Variants in CACNA1C observed in about 807,000 individuals in gnomAD.
CACNA1C encodes the protein voltage-dependent L-type calcium channel subunit alpha-1C.
CACNA1C carries 30 observed loss-of-function variants against 229.0 expected under a neutral mutation model. The ratio of observed to expected loss-of-function variants is 0.13; its 90% CI spans 0.10 to 0.18. The LOEUF is 0.18. Ranked by LOEUF, CACNA1C falls within the 10% of genes least tolerant of loss-of-function variation. The pLI is 1.00. For missense variants in CACNA1C, 1,658 were observed against 2,845.0 expected (o/e 0.58, Z 9.49); for synonymous variants, 1,114 against 1,132.5 (o/e 0.98, Z 0.33).
intron 3 of CACNA1C, among the ~76,000 whole-genome samples, chr12:2,401,397 C>T (rs538141436): frequency 6.6e-6 from 1 of 152,378 alleles, no homozygotes; most frequent in East Asian, 1.9e-4. Context: ...ATTTCACACC[C>T]TTGTGACAAA....
chr12:2,163,972 G>C (rs976712294), intron 3 of CACNA1C, among the ~76,000 whole-genome samples: 2 of 152,050 alleles, frequency 1.3e-5, no homozygotes, highest in East Asian at 3.9e-4. Context: ...CTTTCTTTAG[G>C]TTTGGCTGCG....
chr12:2,171,630 T>C (rs2096484989), intron 3 of CACNA1C, among the ~76,000 whole-genome samples: 1 of 152,094 alleles, frequency 6.6e-6, no homozygotes, highest in Non-Finnish European at 1.5e-5. Flanking sequence ...ATTTTCTGAG[T>C]GCCCATCAGG....
rs1455121388 is a variant in CACNA1C at position 2,313,670 on chromosome 12, A to G, written c.478-135306A>G. On this transcript the variant is annotated intron_variant, in intron 3 of 46. Transcript: ENST00000399655. ...AAAGCAGTGGAGCCCTTTCCCTCTA[A>G]TGTGGACACATGCTGGTTCCCTCCC... 3.9e-5 allele frequency among the ~76,000 whole-genome samples: 6 copies of G among 152,186 alleles called. No homozygotes were observed. In the East Asian group the frequency reaches 1.2e-3, roughly 29 times the overall value.
At chr12:2,509,507 C>G (rs1286535026) in intron 8 of CACNA1C, among the ~76,000 whole-genome samples, 1 of 152,136 alleles carries the variant, frequency 6.6e-6, no homozygotes, top group African/African-American at 2.4e-5. Context: ...AAGTGTGTTT[C>G]TATTTAAAGA....
chr12:2,647,348 G>T lies in CACNA1C; in HGVS notation c.3913-1127G>T, dbSNP rs970459948. ...TCCCAGATCCAGGCTCCAGGAACTC[G>T]GGGAGAGGGCTGGCCCTGGGATACT... On this transcript the variant is annotated intron_variant, in intron 30 of 46. Coordinates refer to ENST00000399655, the MANE Select transcript of CACNA1C (RefSeq NM_000719.7). This position sits in a 1 kb window ranked among gnomAD's most constrained non-coding sequence, Gnocchi z 4.2. 6.6e-6 allele frequency among the ~76,000 whole-genome samples: 1 copy of T among 152,214 alleles called. No homozygotes were observed. Among genetic ancestry groups the T allele is most frequent in the Non-Finnish European group, 1.5e-5 (1 of 68,038 alleles).
At chr12:2,061,545 G>T (rs971180976) in intron 1 of CACNA1C, among the ~76,000 whole-genome samples, 2 of 44,044 alleles carry the variant, frequency 4.5e-5, no homozygotes, top group Non-Finnish European at 7.3e-5. Context: ...CATGTGCACT[G>T]CTGGCACTGC....
chr12:2,499,926 C>T (rs895787914), intron 7 of CACNA1C, among the ~76,000 whole-genome samples: 1 of 152,140 alleles, frequency 6.6e-6, no homozygotes, highest in African/African-American at 2.4e-5. Context: ...GCTTTGTGTG[C>T]TCTCTACTCA....
At chr12:2,184,570 T>A (rs1311070286) in intron 3 of CACNA1C, among the ~76,000 whole-genome samples, 2 of 152,246 alleles carry the variant, frequency 1.3e-5, no homozygotes, top group African/African-American at 4.8e-5. Context: ...ATCTAGAATA[T>A]GAACTTGTCG....
chr12:2,214,306 C>A (rs2059420478), intron 3 of CACNA1C, among the ~76,000 whole-genome samples: 1 of 152,160 alleles, frequency 6.6e-6, no homozygotes, highest in African/African-American at 2.4e-5. Flanking sequence ...GGGTAACTTG[C>A]TCGACCCCTC....
Position 2,585,678 on chromosome 12 carries a change from A to C in CACNA1C, c.2461-157A>C, listed in dbSNP as rs1029151898. 6.6e-6 allele frequency among the ~76,000 whole-genome samples: 1 copy of C among 152,234 alleles called. No individual in the cohort carries two copies. Among genetic ancestry groups the C allele is most frequent in the Non-Finnish European group, 1.5e-5 (1 of 68,040 alleles). On this transcript the variant is annotated intron_variant, in intron 17 of 46. Coordinates refer to ENST00000399655, the MANE Select transcript of CACNA1C (RefSeq NM_000719.7). The surrounding 1 kb of genome is among the most constrained non-coding windows in gnomAD (Gnocchi z 4.1). ...AGATAAGGCAGATTGGCTGGATCCC[A>C]GCCATCTGCTGATGTCTTGAAGGAG...
chr12:2,083,714 T>C (rs1212031843), intron 1 of CACNA1C, among the ~76,000 whole-genome samples: 4 of 152,216 alleles, frequency 2.6e-5, no homozygotes, highest in South Asian at 4.1e-4. Context: ...TTGTGGGAAG[T>C]TAATGGCCCT....
intron 3 of CACNA1C, among the ~76,000 whole-genome samples, chr12:2,374,630 T>A (rs1453947184): frequency 5.9e-5 from 9 of 152,220 alleles, no homozygotes; most frequent in Admixed American, 5.9e-4. Context: ...TAGCAGCTCC[T>A]AACTCCACAG....
intron 20 of CACNA1C, 167 bp downstream of exon 20, chr12:2,596,170 C>A: frequency 1.7e-6 from 1 of 574,706 alleles, no homozygotes; most frequent in Non-Finnish European, 2.8e-6. Flanking sequence ...GAAAACCACC[C>A]TAGGACCACA....
rs1397075192 is a variant in CACNA1C, at chr12:2,299,503, A to AC, written c.478-149472dup. Among the ~76,000 whole-genome samples, 11 of 152,158 alleles carry AC rather than the reference A, an allele frequency of 7.2e-5. No homozygotes were observed. In the East Asian group the frequency reaches 1.5e-3, roughly 21 times the overall value. ...GGCATGGCTAGTTCAGATGCTATGG[A>AC]CAGAGGGGTTCCTGTGGGACCAGTG... On this transcript the variant is annotated intron_variant, in intron 3 of 46. Coordinates refer to ENST00000399655, the MANE Select transcript of CACNA1C (RefSeq NM_000719.7).
At chr12:2,631,879 C>G (rs2090561078) in intron 29 of CACNA1C, among the ~76,000 whole-genome samples, 1 of 152,202 alleles carries the variant, frequency 6.6e-6, no homozygotes, top group Non-Finnish European at 1.5e-5. Flanking sequence ...AGCCCCAGGA[C>G]AGCATGTCTT....
intron 3 of CACNA1C, among the ~76,000 whole-genome samples, chr12:2,172,902 C>G (rs1317377295): frequency 6.6e-6 from 1 of 152,104 alleles, no homozygotes; most frequent in African/African-American, 2.4e-5. Flanking sequence ...CCTCATGGGA[C>G]CAGAAGTGGC....
chr12:2,116,945 A>G (rs1317885707), intron 2 of CACNA1C, among the ~76,000 whole-genome samples: 1 of 152,200 alleles, frequency 6.6e-6, no homozygotes, highest in Admixed American at 6.5e-5. Flanking sequence ...CTAGAGATAA[A>G]GAAAGTTTCT....
chr12:2,412,714 G>T (rs2098822236), intron 3 of CACNA1C, among the ~76,000 whole-genome samples: 1 of 152,162 alleles, frequency 6.6e-6, no homozygotes, highest in Non-Finnish European at 1.5e-5. Flanking sequence ...AGATATTTAA[G>T]AGATGCCTAT....
At position 2,651,791 on chromosome 12, in the gene CACNA1C, G is replaced by A. The variant is rs374267073; in HGVS notation, c.4074+23G>A. 126 of 1,556,472 alleles carry A rather than the reference G, an allele frequency of 8.1e-5. No individual in the cohort carries two copies. Among genetic ancestry groups the A allele is most frequent in the Middle Eastern group, 3.4e-4 (2 of 5,846 alleles). ...CAGGTAGCCGCCCCTCATGTCCTGC[G>A]GCCCGGGGAATCGCAGGGCTGCCGC... On this transcript the variant is annotated intron_variant, in intron 32 of 46. Coordinates refer to ENST00000399655, the MANE Select transcript of CACNA1C (RefSeq NM_000719.7). This position sits in a 1 kb window ranked among gnomAD's most constrained non-coding sequence, Gnocchi z 5.4.
Sources: gnomAD v4.1 joint callset for allele counts (sites outside exome capture counted in the v4.1 genomes callset) on GRCh38, gnomAD v4.1.1 for gene constraint, Gnocchi (gnomAD v3.1) non-coding constraint, MANE v1.5 for transcripts, NCBI Gene and HGNC (gene_info 2026-07-23, HGNC 2026-07-21) for gene names.